The following TTC6 variants were observed in gnomAD, a reference collection of about 807,000 sequenced individuals.
TTC6 encodes tetratricopeptide repeat domain 6.
TTC6 carries 172 observed loss-of-function variants against 210.4 expected under a neutral mutation model. The ratio of observed to expected loss-of-function variants is 0.82; its 90% CI spans 0.72 to 0.93. The LOEUF is 0.93. TTC6 is among the 40% of genes least tolerant of loss of function. The pLI is 0.00. For synonymous variants in TTC6, 804 were observed against 819.6 expected, an observed-to-expected ratio of 0.98 and a Z score of 0.32; for missense variants, 2,414 against 2,318.1, an observed-to-expected ratio of 1.04 and a Z score of -0.85.
chr14:37,675,886 A>T (rs1480866282), intron 1 of TTC6, among the ~76,000 whole-genome samples: 1 of 151,902 alleles, frequency 6.6e-6, no homozygotes, highest in African/African-American at 2.4e-5. Context: ...CTTTGGAGAA[A>T]TGTCAAAAAT....
Position 37,623,015 on chromosome 14 carries a change from A to G in TTC6, c.939+12A>G, listed in dbSNP as rs1383049198. 6.9e-7 allele frequency: 1 copy of G among 1,446,262 alleles called. No individual in the cohort carries two copies. The highest frequency in any genetic ancestry group is 2.5e-5 in the East Asian group (1 of 39,678). 89.6% of individuals were successfully genotyped at this position (1,446,262 alleles called of 1,614,324 possible). ...ACATTACAATGGAAGTAGGTGAACC[A>G]AAACAAGAGTAACATTTTTCCCAAA... On this transcript the variant is annotated intron_variant, in intron 1 of 30. Coordinates refer to ENST00000553443, the Ensembl canonical transcript of TTC6.
intron 29 of TTC6, among the ~76,000 whole-genome samples, chr14:37,831,616 T>A (rs1159990460): frequency 5.4e-3 from 53 of 9,856 alleles, no homozygotes; most frequent in Admixed American, 0.01. Flanking sequence ...GCAATAGCCA[T>A]TTTTTTTTTC....
intron 26 of TTC6, among the ~76,000 whole-genome samples, chr14:37,822,835 C>A (rs533800392): frequency 2.2e-4 from 34 of 152,256 alleles, no homozygotes; most frequent in African/African-American, 7.9e-4. Flanking sequence ...TGTGCCATTA[C>A]CTGTGTGCAG....
chr14:37,675,258 C>T (rs978782873), intron 1 of TTC6, among the ~76,000 whole-genome samples: 1 of 152,024 alleles, frequency 6.6e-6, no homozygotes, highest in African/African-American at 2.4e-5. Flanking sequence ...CTGGCAACAA[C>T]AAGTTGGCTT....
intron 3 of TTC6, among the ~76,000 whole-genome samples, chr14:37,688,300 G>C (rs189127378): frequency 6.6e-6 from 1 of 152,304 alleles, no homozygotes; most frequent in Admixed American, 6.5e-5. Context: ...CCAGATGGAC[G>C]TCTAAGGTTT....
intron 7 of TTC6, among the ~76,000 whole-genome samples, chr14:37,726,415 C>A (rs1031358305): frequency 2.0e-5 from 3 of 152,040 alleles, no homozygotes; most frequent in African/African-American, 7.2e-5. Flanking sequence ...GTTGATACTA[C>A]GTGTTTAGAA....
At chr14:37,826,040 C>T (rs1412430245) in intron 27 of TTC6, among the ~76,000 whole-genome samples, 155 bp from the exon 30 acceptor site, 1 of 152,082 alleles carries the variant, frequency 6.6e-6, no homozygotes, top group East Asian at 1.9e-4. Context: ...CCACAGTATG[C>T]ATTCAGTATG....
chr14:37,772,075 A>T (rs12883120), intron 14 of TTC6, among the ~76,000 whole-genome samples: 62,453 of 151,990 alleles, frequency 0.41, 14,030 homozygotes, highest in Non-Finnish European at 0.5. Flanking sequence ...GTGAGGTGTC[A>T]GTGTGCCCCT....
At chr14:37,725,251 A>G (rs1252058865) in intron 7 of TTC6, among the ~76,000 whole-genome samples, 2 of 144,464 alleles carry the variant, frequency 1.4e-5, no homozygotes, top group Non-Finnish European at 3.0e-5. Context: ...GTGTGTGTAT[A>G]TATATACATG....
intron 20 of TTC6, among the ~76,000 whole-genome samples, chr14:37,804,123 G>A (rs1012826778): frequency 6.6e-6 from 1 of 152,104 alleles, no homozygotes; most frequent in Admixed American, 6.6e-5. Context: ...ATGAGAGTTT[G>A]AACATTTTCA....
chr14:37,784,612 C>T (rs971223012), intron 14 of TTC6, among the ~76,000 whole-genome samples: 9 of 152,186 alleles, frequency 5.9e-5, no homozygotes, highest in African/African-American at 1.4e-4. Context: ...GAGCATTTAG[C>T]CCATTTACAT....
At chr14:37,678,860 G>A (rs963453841) in intron 1 of TTC6, among the ~76,000 whole-genome samples, 1 of 152,072 alleles carries the variant, frequency 6.6e-6, no homozygotes, top group Non-Finnish European at 1.5e-5. Context: ...AGAGTTTTAA[G>A]GTACAATGGG....
At chr14:37,764,609 T>C (rs1221898193) in intron 14 of TTC6, among the ~76,000 whole-genome samples, 1 of 152,162 alleles carries the variant, frequency 6.6e-6, no homozygotes, top group Non-Finnish European at 1.5e-5. Flanking sequence ...TTGGCTAATA[T>C]TTGTGTGGAA....
intron 6 of TTC6, among the ~76,000 whole-genome samples, chr14:37,721,754 G>T (rs1040922310): frequency 4.7e-5 from 7 of 150,462 alleles, no homozygotes; most frequent in Non-Finnish European, 1.0e-4. Context: ...AAGATGTGTG[G>T]AGATTGAATA....
chr14:37,794,573 G>A (rs1317020422), intron 17 of TTC6, among the ~76,000 whole-genome samples: 5 of 152,104 alleles, frequency 3.3e-5, no homozygotes, highest in East Asian at 1.9e-4. Context: ...TTTACTTTTC[G>A]TTACATATTG....
At chr14:37,795,531 G>A (rs777362801) in intron 18 of TTC6, among the ~76,000 whole-genome samples, 179 bp downstream of exon 20, 34 of 152,080 alleles carry the variant, frequency 2.2e-4, no homozygotes, top group Non-Finnish European at 1.0e-4. Flanking sequence ...TATTACATAA[G>A]ATAACCAGAT....
At chr14:37,801,534 C>T (rs1166202795) in intron 20 of TTC6, among the ~76,000 whole-genome samples, 4 of 152,060 alleles carry the variant, frequency 2.6e-5, no homozygotes, top group South Asian at 4.1e-4. Context: ...GGTGGGGTGT[C>T]GCTCCCTCAA....
In TTC6 at chr14:37,741,122, T is replaced by C. The variant is rs542866684; in HGVS notation, c.2363+1967T>C. Among the ~76,000 whole-genome samples, 4 of 152,008 alleles carry C rather than the reference T, an allele frequency of 2.6e-5. No homozygotes were observed. The East Asian group carries it at 7.7e-4, about 29-fold the overall frequency. Reference sequence around the variant, plus strand: ...GAGGCAGTAAAACAAACTGTGGGAGTATTGTTAGTACAGCTTTCCTACCTT... The same window carrying C: ...GAGGCAGTAAAACAAACTGTGGGAGCATTGTTAGTACAGCTTTCCTACCTT... On this transcript the variant is annotated intron_variant, in intron 10 of 30. Coordinates refer to ENST00000553443, the Ensembl canonical transcript of TTC6.
intron 24 of TTC6, among the ~76,000 whole-genome samples, chr14:37,811,939 A>G (rs867934696): frequency 8.5e-5 from 13 of 152,330 alleles, no homozygotes; most frequent in African/African-American, 2.6e-4. Flanking sequence ...TAGGAAAACA[A>G]TACAACACTA....
Sources: allele counts gnomAD v4.1 joint callset (sites outside exome capture counted in the v4.1 genomes callset), GRCh38; gene constraint gnomAD v4.1.1; transcripts MANE v1.5; gene names NCBI Gene and HGNC (gene_info 2026-07-23, HGNC 2026-07-21).